Variants in METTL15 observed in about 807,000 individuals in gnomAD.
METTL15 encodes 12S rRNA N(4)-cytidine methyltransferase METTL15.
A neutral mutation model predicts 38.3 loss-of-function variants in METTL15; 34 were observed. The observed-to-expected ratio is 0.89, with a 90% CI of 0.68 to 1.18. METTL15 has a LOEUF of 1.18. Ranked by LOEUF, METTL15 falls within the 50% of genes most tolerant of loss-of-function variation. The pLI is 0.00. For synonymous variants in METTL15, 162 were observed against 170.9 expected (o/e 0.95, Z 0.41); for missense variants, 438 against 498.4 (o/e 0.88, Z 1.15).
chr11:28,351,853 G>A (rs187722821), intron 3 of METTL15, among the ~76,000 whole-genome samples: 1 of 152,332 alleles, frequency 6.6e-6, no homozygotes, highest in East Asian at 1.9e-4. Flanking sequence ...AAGGTTGCAA[G>A]AGACTGTTTA....
intron 6 of METTL15, among the ~76,000 whole-genome samples, chr11:28,462,374 G>A (rs1851223225): frequency 6.6e-6 from 1 of 151,786 alleles, no homozygotes; most frequent in Non-Finnish European, 1.5e-5. Flanking sequence ...GGAGGAGACT[G>A]GAAGGTAATG....
intron 6 of METTL15, among the ~76,000 whole-genome samples, chr11:28,440,376 T>C (rs1472587218): frequency 6.6e-6 from 1 of 152,160 alleles, no homozygotes; most frequent in Non-Finnish European, 1.5e-5. Context: ...CATTTAACTT[T>C]TTGCCACAAA....
chr11:28,310,965 G>T (rs147091811), intron 6 of METTL15, among the ~76,000 whole-genome samples: 2,469 of 75,584 alleles, frequency 0.033, 98 homozygotes, highest in African/African-American at 0.082. Flanking sequence ...GGTGGTGGTG[G>T]GTGTGTGTGT....
chr11:28,287,156 A>ATGTGTGTG (rs150235421), intron 4 of METTL15: 2,067 of 140,580 alleles, frequency 0.015, 36 homozygotes, highest in Admixed American at 0.032. Context: ...GAGAGAGACA[A>ATGTGTGTG]TGTGTGTGTG....
At position 28,108,415 on chromosome 11, in the gene METTL15, T is replaced by C. The variant is rs1193738140; in HGVS notation, c.-291T>C. 4 of 152,458 alleles carry C rather than the reference T, an allele frequency of 2.6e-5. No homozygotes were observed. Among genetic ancestry groups the C allele is most frequent in the African/African-American group, 7.2e-5 (3 of 41,450 alleles). 9.4% of individuals were successfully genotyped at this position (152,458 alleles called of 1,614,324 possible). ...CCACTTGAGATCACCAGGCCTCCTG[T>C]AGACCGGCGGGTGCAGGGCCCGGTC... On this transcript the variant is annotated 5_prime_UTR_variant, in exon 1 of 7. Transcript: ENST00000407364.
chr11:28,449,535 T>G (rs1851102273), intron 6 of METTL15, among the ~76,000 whole-genome samples: 1 of 152,208 alleles, frequency 6.6e-6, no homozygotes, highest in South Asian at 2.1e-4. Flanking sequence ...TTATGAACCT[T>G]CTGCCTTGGT....
In METTL15 at chr11:28,269,299, T is replaced by C. The variant is rs532860590; in HGVS notation, c.408-20907T>C. Among the ~76,000 whole-genome samples, 8 of 152,186 alleles carry C rather than the reference T, an allele frequency of 5.3e-5. No individual in the cohort carries two copies. The South Asian group carries it at 8.3e-4, about 16-fold the overall frequency. ...ATTAGATTTCTCTCCCTCTTAGAACTAAGCAATTATATATATATAAAAAAC... is the reference window on the plus strand; with the variant it reads ...ATTAGATTTCTCTCCCTCTTAGAACCAAGCAATTATATATATATAAAAAAC... On this transcript the variant is annotated intron_variant, in intron 4 of 6. Coordinates refer to ENST00000407364, the MANE Select transcript of METTL15 (RefSeq NM_001113528.2).
At chr11:28,159,776 G>A (rs563050887) in intron 3 of METTL15, among the ~76,000 whole-genome samples, 5 of 152,236 alleles carry the variant, frequency 3.3e-5, no homozygotes, top group South Asian at 2.1e-4. Context: ...CCAGTTGTAC[G>A]AAGAATAGTT....
intron 6 of METTL15, among the ~76,000 whole-genome samples, chr11:28,426,912 T>A (rs1850870803): frequency 6.6e-6 from 1 of 152,012 alleles, no homozygotes; most frequent in African/African-American, 2.4e-5. Context: ...TGATGATAGG[T>A]TTTTTTTCTG....
At chr11:28,457,582 G>A (rs1365412871) in intron 6 of METTL15, among the ~76,000 whole-genome samples, 2 of 152,078 alleles carry the variant, frequency 1.3e-5, no homozygotes, top group East Asian at 1.9e-4. Flanking sequence ...TGACTTCATC[G>A]AAAACTCACA....
intron 4 of METTL15, among the ~76,000 whole-genome samples, chr11:28,277,364 T>C (rs960971775): frequency 1.3e-5 from 2 of 151,992 alleles, no homozygotes; most frequent in Non-Finnish European, 2.9e-5. Flanking sequence ...ATAAGGAAAA[T>C]GTATGTGTAT....
intron 4 of METTL15, among the ~76,000 whole-genome samples, chr11:28,251,388 C>G (rs558869636): frequency 6.6e-6 from 1 of 152,126 alleles, no homozygotes; most frequent in East Asian, 1.9e-4. Context: ...GTTGAACATT[C>G]CTTTTTACTA....
At chr11:28,230,318 A>C (rs1324859955) in intron 4 of METTL15, among the ~76,000 whole-genome samples, 1 of 151,972 alleles carries the variant, frequency 6.6e-6, no homozygotes, top group Admixed American at 6.6e-5. Flanking sequence ...TATTTGGCTT[A>C]AAAGTTTCAA....
At chr11:28,367,966 C>CTA (rs1476657219) in intron 5 of METTL15, among the ~76,000 whole-genome samples, 1 of 151,704 alleles carries the variant, frequency 6.6e-6, no homozygotes, top group African/African-American at 2.4e-5. Flanking sequence ...AAGACTTAAA[C>CTA]GTAAGACCTA....
chr11:28,286,915 A>G (rs1325811679), intron 4 of METTL15, among the ~76,000 whole-genome samples: 1 of 151,384 alleles, frequency 6.6e-6, no homozygotes, highest in African/African-American at 2.4e-5. Flanking sequence ...GTGTGTGTGT[A>G]CATATATATG....
chr11:28,473,517 G>C (rs1336682187), intron 6 of METTL15, among the ~76,000 whole-genome samples: 1 of 152,094 alleles, frequency 6.6e-6, no homozygotes, highest in Non-Finnish European at 1.5e-5. Context: ...GCCATGCTTG[G>C]CTCCTGCATT....
intron 6 of METTL15, among the ~76,000 whole-genome samples, chr11:28,499,989 G>A (rs1254787888): frequency 6.8e-6 from 1 of 148,000 alleles, no homozygotes; most frequent in Non-Finnish European, 1.5e-5. Context: ...TGTTTAAAGG[G>A]CAGGTGGTTG....
intron 3 of METTL15, among the ~76,000 whole-genome samples, chr11:28,339,909 CAAA>C (rs962977418): frequency 6.6e-6 from 1 of 151,886 alleles, no homozygotes; most frequent in African/African-American, 2.4e-5. Context: ...ATGTGAAAAA[CAAA>C]AAATCAGTAA....
chr11:28,268,214 A>AAAG (rs1855508947), intron 4 of METTL15, among the ~76,000 whole-genome samples: 1 of 150,534 alleles, frequency 6.6e-6, no homozygotes. Flanking sequence ...AAAAAAAAAA[A>AAAG]AAAAAAGACT....
Sources: allele counts gnomAD v4.1 joint callset (sites outside exome capture counted in the v4.1 genomes callset), GRCh38; gene constraint gnomAD v4.1.1; transcripts MANE v1.5; gene names NCBI Gene and HGNC (gene_info 2026-07-23, HGNC 2026-07-21).